MAPK4: variants seen among roughly 807,000 people sequenced by gnomAD.
The protein encoded by MAPK4 is Erk3-related.
MAPK4 carries 22 observed loss-of-function variants against 47.7 expected under a neutral mutation model. The observed-to-expected ratio is 0.46, with a 90% CI of 0.33 to 0.66. The LOEUF is 0.66. Among genes scored for constraint, MAPK4 ranks in the 30% least tolerant of loss-of-function variants. MAPK4 has a pLI of 0.02. For synonymous variants in MAPK4, 390 were observed against 365.7 expected (o/e 1.07, Z -0.76); for missense variants, 736 against 831.7 (o/e 0.88, Z 1.42).
rs1477067558 is a variant in MAPK4, at chr18:50,664,659, A to AGTGG, written c.546+155_546+156insGTGG. Among the ~76,000 whole-genome samples, 14 of 152,034 alleles carry AGTGG rather than the reference A, an allele frequency of 9.2e-5. No homozygotes were observed. The East Asian group carries it at 9.6e-4, about 10-fold the overall frequency. On this transcript the variant is annotated intron_variant, in intron 2 of 5. Coordinates refer to ENST00000400384, the MANE Select transcript of MAPK4 (RefSeq NM_002747.4). The surrounding 1 kb of genome is among the most constrained non-coding windows in gnomAD (Gnocchi z 6.0). ...GTGCTAGGAAGATCACTAGCCTGAA[A>AGTGG]AGTTGTTGGAGGCGTGGAGGGAGAT...
At chr18:50,597,961 C>A (rs28667495) in intron 1 of MAPK4, among the ~76,000 whole-genome samples, 1 of 152,172 alleles carries the variant, frequency 6.6e-6, no homozygotes, top group African/African-American at 2.4e-5. Flanking sequence ...TTTGAAGAAG[C>A]TGAGCTGGGG....
At chr18:50,585,072 G>A (rs932362090) in intron 1 of MAPK4, among the ~76,000 whole-genome samples, 5 of 152,148 alleles carry the variant, frequency 3.3e-5, no homozygotes, top group Admixed American at 6.5e-5. Flanking sequence ...GCTAAATTAC[G>A]CTAAGTTTCT....
rs760849669 is a variant in MAPK4 at position 50,664,100 on chromosome 18, G to A, written c.142G>A (p.Val48Met). ...CAGCCGGGCCTGCCGGAAGGTCGCT[G>A]TGAAGAAGATTGCCCTGAGCGATGC... ...VDSRACRKVA[V>M]KKIALSDARS... The change falls in exon 2 of 6, where the codon GTG becomes ATG. Residue 48 changes from valine to methionine, a missense_variant. Around this residue, in one of 3 missense-constraint regions of MAPK4, gnomAD observed 327 missense variants for 395.4 expected, o/e 0.83. Coordinates refer to ENST00000400384, the MANE Select transcript of MAPK4 (RefSeq NM_002747.4). This position sits in a 1 kb window ranked among gnomAD's most constrained non-coding sequence, Gnocchi z 6.0. 5 of 1,614,090 alleles carry A rather than the reference G, an allele frequency of 3.1e-6. No individual in the cohort carries two copies. The highest frequency in any genetic ancestry group is 4.2e-6 in the Non-Finnish European group (5 of 1,180,040).
chr18:50,702,987 G>A (rs1009414527), intron 2 of MAPK4, among the ~76,000 whole-genome samples: 3 of 152,226 alleles, frequency 2.0e-5, no homozygotes, highest in Admixed American at 2.0e-4. Context: ...CAACTTGCAG[G>A]TTTTCCCAGA....
intron 2 of MAPK4, among the ~76,000 whole-genome samples, chr18:50,680,617 T>G (rs1411793831): frequency 6.6e-6 from 1 of 151,976 alleles, no homozygotes; most frequent in Non-Finnish European, 1.5e-5. Flanking sequence ...AGACAACCAC[T>G]AGTCAGCTTT....
Position 50,729,357 on chromosome 18 carries a change from G to A in MAPK4, c.1267G>A (p.Asp423Asn), listed in dbSNP as rs763925644. The A allele has an allele frequency of 1.3e-5, 21 of 1,579,078 alleles. No homozygotes were observed. The highest frequency in any genetic ancestry group is 1.8e-5 in the Non-Finnish European group (21 of 1,163,762). Residue 423 changes from aspartate (D) to asparagine (N), a missense_variant, in exon 6 of 6, where the codon GAC becomes AAC. By Grantham distance (23) the Asp-to-Asn change is conservative (BLOSUM62 1). This residue lies in a region of MAPK4 where 377 missense variants were observed against 378.6 expected (regional missense o/e 1.00). Transcript: ENST00000400384. ...GTCCATGGAGCGCGCCTTCGAGGCCGACTACGGGCGCTCCTGCGACTACAA... is the reference window on the plus strand; with the variant it reads ...GTCCATGGAGCGCGCCTTCGAGGCCAACTACGGGCGCTCCTGCGACTACAA... ...HSSMERAFEA[D>N]YGRSCDYKVG...
At chr18:50,637,203 A>C (rs1337358427) in intron 1 of MAPK4, among the ~76,000 whole-genome samples, 1 of 152,142 alleles carries the variant, frequency 6.6e-6, no homozygotes, top group Non-Finnish European at 1.5e-5. Flanking sequence ...GATAATAATA[A>C]TCATGGCATT....
In MAPK4 at chr18:50,708,352, A is replaced by C. The variant is rs141012679; in HGVS notation, c.547-6727A>C. Among the ~76,000 whole-genome samples the C allele has an allele frequency of 1.9e-3, 286 of 152,282 alleles. 4 individuals carry two copies. Among genetic ancestry groups the C allele is most frequent in the African/African-American group, 6.3e-3 (261 of 41,544 alleles). On this transcript the variant is annotated intron_variant, in intron 2 of 5. Transcript: ENST00000400384. The stretch of plus-strand genomic sequence containing the variant: ...ATGAGTGTCTGTAACTCAAAGAATT[A>C]ACCCCTATTATAGGTCAGTCTGCTG...
intron 1 of MAPK4, among the ~76,000 whole-genome samples, chr18:50,591,967 GT>G: frequency 6.6e-6 from 1 of 152,132 alleles, no homozygotes; most frequent in South Asian, 2.1e-4. Context: ...GACTGCTGCA[GT>G]GGTTAAAAAT....
In MAPK4 at chr18:50,729,552, A is replaced by G; in HGVS notation, c.1462A>G (p.Ser488Gly). The change falls in exon 6 of 6, where the codon AGC (serine) becomes GGC (glycine). Residue 488 changes from serine (S) to glycine (G), a missense_variant. Ser to Gly is a moderately conservative substitution (Grantham distance 56, BLOSUM62 0). This residue lies in a region of MAPK4 where 377 missense variants were observed against 378.6 expected (regional missense o/e 1.00). Transcript: ENST00000400384. ...DTGAREDEPA[S>G]LFLEIAQWVK... ...GGGGGCGCGCGAGGACGAGCCGGCC[A>G]GCCTCTTCCTGGAGATCGCGCAGTG... 1 of 1,428,072 alleles carries G rather than the reference A, an allele frequency of 7.0e-7. No individual in the cohort carries two copies. Among genetic ancestry groups the G allele is most frequent in the Non-Finnish European group, 9.2e-7 (1 of 1,090,168 alleles). The allele number at this position is 1,428,072 out of a possible 1,614,324, so 88.5% of individuals were successfully genotyped here. A position where few individuals can be genotyped will look rare whatever the true frequency, so the allele number is the denominator to read the frequency against.
chr18:50,691,132 A>G (rs1413290253), intron 2 of MAPK4, among the ~76,000 whole-genome samples: 1 of 152,108 alleles, frequency 6.6e-6, no homozygotes, highest in East Asian at 1.9e-4. Context: ...AGCTTGGACT[A>G]CAGGTGTGTG....
chr18:50,705,779 A>G (rs1417099840), intron 2 of MAPK4: 1 of 152,190 alleles, frequency 6.6e-6, no homozygotes, highest in East Asian at 1.9e-4. Context: ...CTCTGCTCGA[A>G]TGTCCCCTTA....
chr18:50,609,254 G>A (rs1449562897), intron 1 of MAPK4, among the ~76,000 whole-genome samples: 7 of 151,788 alleles, frequency 4.6e-5, no homozygotes, highest in Non-Finnish European at 1.0e-4. Context: ...ACACGGGGTG[G>A]CGGCCGGGCA....
intron 1 of MAPK4, among the ~76,000 whole-genome samples, chr18:50,635,848 C>T (rs1289302271): frequency 6.6e-6 from 1 of 152,164 alleles, no homozygotes; most frequent in African/African-American, 2.4e-5. Context: ...GGTCCACAAG[C>T]CTCCATGGTT....
intron 1 of MAPK4, among the ~76,000 whole-genome samples, chr18:50,646,695 CA>C (rs1568060592): frequency 6.6e-6 from 1 of 152,220 alleles, no homozygotes; most frequent in African/African-American, 2.4e-5. Context: ...GAGGGGAGCA[CA>C]ATAGGTCCTC....
At chr18:50,609,951 T>G (rs2042617672) in intron 1 of MAPK4, among the ~76,000 whole-genome samples, 1 of 152,194 alleles carries the variant, frequency 6.6e-6, no homozygotes, top group Admixed American at 6.5e-5. Flanking sequence ...TTTACCAACA[T>G]CGCTCCAATA....
intron 1 of MAPK4, among the ~76,000 whole-genome samples, chr18:50,568,456 C>G (rs1193574325): frequency 6.6e-6 from 1 of 152,162 alleles, no homozygotes; most frequent in East Asian, 1.9e-4. Context: ...TGGGTACTGT[C>G]ACGTCTCTCC....
intron 1 of MAPK4, among the ~76,000 whole-genome samples, chr18:50,567,562 A>C (rs1347553868): frequency 6.6e-6 from 1 of 152,238 alleles, no homozygotes; most frequent in African/African-American, 2.4e-5. Flanking sequence ...GTACCAGTTT[A>C]CCTTATATTG....
chr18:50,574,820 A>G (rs1379108535), intron 1 of MAPK4, among the ~76,000 whole-genome samples: 1 of 152,252 alleles, frequency 6.6e-6, no homozygotes, highest in Non-Finnish European at 1.5e-5. Flanking sequence ...GATGATAAGT[A>G]TCCACACCAG....
Sources: gnomAD v4.1 joint callset for allele counts (sites outside exome capture counted in the v4.1 genomes callset) on GRCh38, gnomAD v4.1.1 for gene constraint, gnomAD v4.1.1 regional missense constraint, Gnocchi (gnomAD v3.1) non-coding constraint, MANE v1.5 for transcripts, NCBI Gene and HGNC (gene_info 2026-07-23, HGNC 2026-07-21) for gene names.